The following CDH12 variants were observed in gnomAD, a reference collection of about 807,000 sequenced individuals.
The protein encoded by CDH12 is cadherin 12.
CDH12 carries 41 observed loss-of-function variants against 74.1 expected under a neutral mutation model. The observed-to-expected ratio is 0.55, with a 90% confidence interval of 0.43 to 0.72. The LOEUF is 0.72. Among genes scored for constraint, CDH12 ranks in the 30% least tolerant of loss-of-function variants. The pLI is 0.00. For synonymous variants in CDH12, 399 were observed against 355.0 expected, an observed-to-expected ratio of 1.12 and a Z score of -1.39; for missense variants, 945 against 977.2, an observed-to-expected ratio of 0.97 and a Z score of 0.44.
At chr5:22,633,817 T>C (rs1232968269) in intron 1 of CDH12, among the ~76,000 whole-genome samples, 8 of 152,144 alleles carry the variant, frequency 5.3e-5, no homozygotes, top group Non-Finnish European at 8.8e-5. Flanking sequence ...ACTTCTACAA[T>C]TGCATGAACC....
chr5:21,939,961 C>G (rs1322156811), intron 6 of CDH12, among the ~76,000 whole-genome samples: 1 of 152,110 alleles, frequency 6.6e-6, no homozygotes, highest in Non-Finnish European at 1.5e-5. Flanking sequence ...TGGCTCACAC[C>G]TGTAATCCCA....
chr5:22,732,467 TATATAC>T (rs1395992792), intron 1 of CDH12, among the ~76,000 whole-genome samples: 143 of 139,832 alleles, frequency 1.0e-3, no homozygotes, highest in Admixed American at 3.7e-3. Flanking sequence ...TATATATATA[TATATAC>T]ACACACACAC....
At chr5:22,129,783 T>C (rs1289320042) in intron 4 of CDH12, among the ~76,000 whole-genome samples, 4 of 152,052 alleles carry the variant, frequency 2.6e-5, no homozygotes, top group Non-Finnish European at 4.4e-5. Flanking sequence ...GTATTATTAC[T>C]TAGCAACAGT....
At chr5:22,127,478 G>GA (rs778116731) in intron 4 of CDH12, among the ~76,000 whole-genome samples, 44,661 of 106,004 alleles carry the variant, frequency 0.42, 9,273 homozygotes, top group Non-Finnish European at 0.49. Context: ...ACTCCATCTC[G>GA]AAAAAAAAAA....
At chr5:21,755,979 T>G in intron 13 of CDH12, 137 bp from the exon 14 acceptor site, 2 of 761,090 alleles carry the variant, frequency 2.6e-6, no homozygotes, top group South Asian at 2.0e-5. Context: ...TCTGTTCACA[T>G]TATGAAAACT....
intron 3 of CDH12, among the ~76,000 whole-genome samples, chr5:22,328,757 T>C (rs886452389): frequency 2.0e-5 from 3 of 151,838 alleles, no homozygotes; most frequent in African/African-American, 7.3e-5. Context: ...AACAAGAGAG[T>C]AATAGGTTGT....
chr5:22,847,593 T>C (rs1561073324), intron 1 of CDH12, among the ~76,000 whole-genome samples: 1 of 152,190 alleles, frequency 6.6e-6, no homozygotes, highest in African/African-American at 2.4e-5. Context: ...CATTTGAAGC[T>C]CTTTCCATTA....
chr5:22,494,164 AC>A (rs1561446743), intron 2 of CDH12, among the ~76,000 whole-genome samples: 1 of 152,232 alleles, frequency 6.6e-6, no homozygotes. Context: ...TGTTGATGAG[AC>A]TAAAAAATGT....
chr5:22,592,670 T>TC (rs202032416), intron 1 of CDH12, among the ~76,000 whole-genome samples: 2,083 of 145,070 alleles, frequency 0.014, 72 homozygotes, highest in African/African-American at 0.035. Context: ...TAAACAGCTC[T>TC]CCCCCTCCAC....
At chr5:22,314,403 A>G (rs1050253996) in intron 3 of CDH12, among the ~76,000 whole-genome samples, 2 of 152,166 alleles carry the variant, frequency 1.3e-5, no homozygotes, top group Non-Finnish European at 1.5e-5. Flanking sequence ...TGATGTCCTT[A>G]TTAGAAGCGG....
At chr5:21,788,340 C>T (rs1246284575) in intron 10 of CDH12, among the ~76,000 whole-genome samples, 4 of 152,056 alleles carry the variant, frequency 2.6e-5, no homozygotes, top group Non-Finnish European at 5.9e-5. Context: ...GAGGAATAGA[C>T]GGTGTTTTAG....
chr5:21,977,269 T>C (rs1757109048), intron 5 of CDH12, among the ~76,000 whole-genome samples: 1 of 151,874 alleles, frequency 6.6e-6, no homozygotes, highest in African/African-American at 2.4e-5. Context: ...GTCCACCTAT[T>C]AAAAAAAACT....
At chr5:22,387,281 T>C (rs1742039911) in intron 3 of CDH12, among the ~76,000 whole-genome samples, 1 of 152,114 alleles carries the variant, frequency 6.6e-6, no homozygotes, top group South Asian at 2.1e-4. Context: ...AAAAAAAATT[T>C]TTAAATTTAA....
chr5:22,068,388 G>A (rs1303672223), intron 5 of CDH12, among the ~76,000 whole-genome samples: 1 of 152,178 alleles, frequency 6.6e-6, no homozygotes, highest in African/African-American at 2.4e-5. Context: ...AGCACCATCT[G>A]AAATTGACAG....
At chr5:22,264,566 G>A (rs1753639810) in intron 3 of CDH12, among the ~76,000 whole-genome samples, 1 of 152,096 alleles carries the variant, frequency 6.6e-6, no homozygotes, top group Non-Finnish European at 1.5e-5. Flanking sequence ...GAACCAAGGT[G>A]TGTGAGTAAT....
At chr5:21,814,458 A>T (rs756499176) in intron 9 of CDH12, among the ~76,000 whole-genome samples, 1 of 151,908 alleles carries the variant, frequency 6.6e-6, no homozygotes, top group African/African-American at 2.4e-5. Context: ...TGATATAATA[A>T]GATAAAGGAC....
At chr5:21,817,183 A>C in intron 8 of CDH12, 51 bp from the exon 9 acceptor site, 1 of 1,254,940 alleles carries the variant, frequency 8.0e-7, no homozygotes, top group South Asian at 1.4e-5. Context: ...TAAGAGATAT[A>C]GTAAGATTAC....
intron 6 of CDH12, chr5:21,882,522 C>T: frequency 1.1e-6 from 1 of 877,750 alleles, no homozygotes; most frequent in Admixed American, 1.8e-5. Flanking sequence ...TATTAGCACT[C>T]TGTCCCTCAC....
At chr5:22,055,226 G>A (rs1740657633) in intron 5 of CDH12, among the ~76,000 whole-genome samples, 1 of 152,114 alleles carries the variant, frequency 6.6e-6, no homozygotes, top group South Asian at 2.1e-4. Flanking sequence ...TCTCTGCAGA[G>A]GCAGCTGCAA....
Sources: allele counts gnomAD v4.1 joint callset (sites outside exome capture counted in the v4.1 genomes callset), GRCh38; gene constraint gnomAD v4.1.1; transcripts MANE v1.5; gene names NCBI Gene and HGNC (gene_info 2026-07-23, HGNC 2026-07-21).